AGAP1: variants seen among roughly 807,000 people sequenced by gnomAD.
AGAP1 encodes ArfGAP with GTPase domain, ankyrin repeat and PH domain 1, also known as arf-GAP with GTPase, ANK repeat and PH domain-containing protein 1.
AGAP1 carries 29 observed loss-of-function variants against 105.3 expected under a neutral mutation model. That is an observed-to-expected ratio of 0.28 (90% confidence interval 0.21 to 0.38). AGAP1 has a LOEUF of 0.38. Among genes scored for constraint, AGAP1 ranks in the 10% least tolerant of loss-of-function variants. AGAP1 has a pLI of 1.00. For missense variants in AGAP1, 998 were observed against 1,165.1 expected (o/e 0.86, Z 2.09); for synonymous variants, 509 against 485.9 (o/e 1.05, Z -0.63).
At chr2:235,670,677 C>G in intron 1 of AGAP1, 2 of 677,346 alleles carry the variant, frequency 3.0e-6, no homozygotes, top group South Asian at 1.6e-5. Context: ...GCGGCCGGGA[C>G]CACCCTGGAG....
intron 1 of AGAP1, among the ~76,000 whole-genome samples, chr2:235,521,583 T>C (rs1023638135): frequency 6.6e-6 from 1 of 152,184 alleles, no homozygotes; most frequent in African/African-American, 2.4e-5. Flanking sequence ...TGCACTGTTT[T>C]TCGTTTGCCT....
chr2:235,655,822 C>T lies in AGAP1; in HGVS notation c.164-53357C>T, dbSNP rs1947752570. On this transcript the variant is annotated intron_variant, in intron 1 of 17. Transcript: ENST00000304032. The surrounding 1 kb of genome is among the most constrained non-coding windows in gnomAD (Gnocchi z 4.3). ...GATTAAGTTTATTCAGTAGAAATTT[C>T]CAAGGTATTTTTTTAAGTGAGGCAC... Among the ~76,000 whole-genome samples, 1 of 152,028 alleles carries T rather than the reference C, an allele frequency of 6.6e-6. No individual in the cohort carries two copies. Among genetic ancestry groups the T allele is most frequent in the Non-Finnish European group, 1.5e-5 (1 of 67,980 alleles).
rs550142732 is a variant in AGAP1 at position 235,977,267 on chromosome 2, T to C, written c.1645+8644T>C. Among the ~76,000 whole-genome samples, 225 of 152,138 alleles carry C rather than the reference T, an allele frequency of 1.5e-3. 1 individual carries two copies. Among genetic ancestry groups the C allele is most frequent in the Non-Finnish European group, 2.2e-3 (149 of 68,014 alleles). ...ATCTGTCTTGAAGTCATTTTCTTGA[T>C]GGTCTCAAAATGTTTGAGCTCTGAG... is the stretch of plus-strand genomic sequence containing the variant. On this transcript the variant is annotated intron_variant, in intron 13 of 17. Coordinates refer to ENST00000304032, the MANE Select transcript of AGAP1 (RefSeq NM_001037131.3). This position sits in a 1 kb window ranked among gnomAD's most constrained non-coding sequence, Gnocchi z 5.2.
chr2:235,980,379 A>G (rs2055042106), intron 13 of AGAP1, among the ~76,000 whole-genome samples: 1 of 152,158 alleles, frequency 6.6e-6, no homozygotes, highest in African/African-American at 2.4e-5. Context: ...GCAAAACTGC[A>G]TTTGGAGAGG....
intron 13 of AGAP1, among the ~76,000 whole-genome samples, chr2:236,023,367 G>A (rs377171058): frequency 1.6e-4 from 25 of 152,200 alleles, no homozygotes; most frequent in Admixed American, 1.3e-4. Flanking sequence ...GCACCAGTCC[G>A]TCGATGGCAG....
chr2:236,122,668 C>G (rs2059927059), intron 17 of AGAP1, among the ~76,000 whole-genome samples: 1 of 149,298 alleles, frequency 6.7e-6, no homozygotes. Flanking sequence ...GGCACTGTTT[C>G]TTCCAGTGAC....
In AGAP1 at chr2:235,569,920, A is replaced by G. The variant is rs1944462956; in HGVS notation, c.163+75071A>G. Among the ~76,000 whole-genome samples the G allele has an allele frequency of 6.6e-6, 1 of 152,212 alleles. No homozygotes were observed. ...AGCAAAAATTTAGAATGTTTATAGA[A>G]TTGAACACGAAAACCAGAGTTGTAT... On this transcript the variant is annotated intron_variant, in intron 1 of 17. Coordinates refer to ENST00000304032, the MANE Select transcript of AGAP1 (RefSeq NM_001037131.3). The surrounding 1 kb of genome is among the most constrained non-coding windows in gnomAD (Gnocchi z 5.9).
chr2:235,694,173 G>A (rs1217345568), intron 1 of AGAP1, among the ~76,000 whole-genome samples: 3 of 148,686 alleles, frequency 2.0e-5, no homozygotes, highest in South Asian at 2.1e-4. Context: ...GTGAAACCCC[G>A]CCTCTACTAA....
At position 235,976,364 on chromosome 2, in the gene AGAP1, G is replaced by A. The variant is rs534091561; in HGVS notation, c.1645+7741G>A. Among the ~76,000 whole-genome samples, 1 of 152,240 alleles carries A rather than the reference G, an allele frequency of 6.6e-6. No individual in the cohort carries two copies. The highest frequency in any genetic ancestry group is 1.5e-5 in the Non-Finnish European group (1 of 68,020). On this transcript the variant is annotated intron_variant, in intron 13 of 17. Coordinates refer to ENST00000304032, the MANE Select transcript of AGAP1 (RefSeq NM_001037131.3). The surrounding 1 kb of genome is among the most constrained non-coding windows in gnomAD (Gnocchi z 4.5). ...CTCAAAAGCCATCCTGCAGGGTACA[G>A]TCCGGCCGCCACAAACACACACAAG...
In AGAP1 at chr2:235,582,898, G is replaced by A. The variant is rs1944980419; in HGVS notation, c.163+88049G>A. 6.6e-6 allele frequency among the ~76,000 whole-genome samples: 1 copy of A among 152,252 alleles called. No homozygotes were observed. Among genetic ancestry groups the A allele is most frequent in the African/African-American group, 2.4e-5 (1 of 41,474 alleles). The stretch of plus-strand genomic sequence containing the variant: ...AGGATTTTGGTGAGCCTTTGATGGA[G>A]TGTGTTCCGGAATCGGGAGGAAGCT... On this transcript the variant is annotated intron_variant, in intron 1 of 17. Coordinates refer to ENST00000304032, the MANE Select transcript of AGAP1 (RefSeq NM_001037131.3). The surrounding 1 kb of genome is among the most constrained non-coding windows in gnomAD (Gnocchi z 4.7).
chr2:235,596,021 G>C lies in AGAP1; in HGVS notation c.163+101172G>C, dbSNP rs1945514982. Among the ~76,000 whole-genome samples the C allele has an allele frequency of 6.6e-6, 1 of 152,192 alleles. No homozygotes were observed. The highest frequency in any genetic ancestry group is 6.5e-5 in the Admixed American group (1 of 15,282). On this transcript the variant is annotated intron_variant, in intron 1 of 17. Coordinates refer to ENST00000304032, the MANE Select transcript of AGAP1 (RefSeq NM_001037131.3). This position sits in a 1 kb window ranked among gnomAD's most constrained non-coding sequence, Gnocchi z 5.9. ...GATGTTTCTGATGTTATGAAGCTATGCTCCTGGAAGTGGTTGTGAAAATCG... is the reference window on the plus strand; with the variant it reads ...GATGTTTCTGATGTTATGAAGCTATCCTCCTGGAAGTGGTTGTGAAAATCG...
rs1944974999 is a variant in AGAP1 at position 235,582,722 on chromosome 2, GA to G, written c.163+87874del. On this transcript the variant is annotated intron_variant, in intron 1 of 17. Transcript: ENST00000304032. The surrounding 1 kb of genome is among the most constrained non-coding windows in gnomAD (Gnocchi z 4.7). ...GAAGGAGCCTGGGAGAAGTCAGAGA[GA>G]GGGGGCTCGTGGTCCTTCTTGGGCT... Among the ~76,000 whole-genome samples, 1 of 152,272 alleles carries G rather than the reference GA, an allele frequency of 6.6e-6. No individual in the cohort carries two copies.
chr2:235,898,168 C>T (rs917483757), intron 10 of AGAP1, among the ~76,000 whole-genome samples: 7 of 152,184 alleles, frequency 4.6e-5, no homozygotes, highest in Admixed American at 4.6e-4. Context: ...CAGAGTAGTC[C>T]TGCCCCGCAG....
In AGAP1 at chr2:236,121,323, CAG is replaced by C. The variant is rs746248103; in HGVS notation, c.2370+879_2370+880del. On this transcript the variant is annotated intron_variant, in intron 17 of 17. Transcript: ENST00000304032. The surrounding 1 kb of genome is among the most constrained non-coding windows in gnomAD (Gnocchi z 4.9). ...TTTTTTGTTTTTTGTTTTTTTGAGACAGAGTCTCGCTCTGTCACCCAGGCTGG... is the reference window on the plus strand; with the variant it reads ...TTTTTTGTTTTTTGTTTTTTTGAGACAGTCTCGCTCTGTCACCCAGGCTGG... Among the ~76,000 whole-genome samples, 2 of 152,158 alleles carry C rather than the reference CAG, an allele frequency of 1.3e-5. No individual in the cohort carries two copies. The highest frequency in any genetic ancestry group is 2.9e-5 in the Non-Finnish European group (2 of 68,028).
In AGAP1 at chr2:236,050,332, A is replaced by T. The variant is rs2057858876; in HGVS notation, c.2114+1051A>T. ...CTGGAGAGAATGAAGCTGGTGTGTTACTCATCTGGCTCTCCGTATGAGGGA... is the reference window on the plus strand; with the variant it reads ...CTGGAGAGAATGAAGCTGGTGTGTTTCTCATCTGGCTCTCCGTATGAGGGA... On this transcript the variant is annotated intron_variant, in intron 16 of 17. Coordinates refer to ENST00000304032, the MANE Select transcript of AGAP1 (RefSeq NM_001037131.3). The surrounding 1 kb of genome is among the most constrained non-coding windows in gnomAD (Gnocchi z 4.0). Among the ~76,000 whole-genome samples, 1 of 152,148 alleles carries T rather than the reference A, an allele frequency of 6.6e-6. No individual in the cohort carries two copies. Among genetic ancestry groups the T allele is most frequent in the Non-Finnish European group, 1.5e-5 (1 of 68,030 alleles).
rs537595960 is a variant in AGAP1 at position 235,927,301 on chromosome 2, G to C, written c.1325-3464G>C. Among the ~76,000 whole-genome samples, 24 of 152,296 alleles carry C rather than the reference G, an allele frequency of 1.6e-4. No homozygotes were observed. Among genetic ancestry groups the C allele is most frequent in the African/African-American group, 5.3e-4 (22 of 41,550 alleles). ...GAGGTTCGTCACCCCAGAGGTTCCA[G>C]GTTGGTTCCTTGGGGACTCTCTCAG... On this transcript the variant is annotated intron_variant, in intron 11 of 17. Coordinates refer to ENST00000304032, the MANE Select transcript of AGAP1 (RefSeq NM_001037131.3). This position sits in a 1 kb window ranked among gnomAD's most constrained non-coding sequence, Gnocchi z 4.4.
intron 16 of AGAP1, among the ~76,000 whole-genome samples, chr2:236,113,000 A>G (rs1478289801): frequency 6.6e-6 from 1 of 152,142 alleles, no homozygotes; most frequent in East Asian, 1.9e-4. Context: ...TAGGCTCTCC[A>G]CTGTTTTTCC....
chr2:235,568,948 A>G (rs1269936274), intron 1 of AGAP1, among the ~76,000 whole-genome samples: 3 of 152,238 alleles, frequency 2.0e-5, no homozygotes, highest in African/African-American at 4.8e-5. Flanking sequence ...ATTACATTGA[A>G]CCCACCTGGA....
At position 236,046,972 on chromosome 2, in the gene AGAP1, G is replaced by A. The variant is rs146271734; in HGVS notation, c.1892-2087G>A. 3.9e-4 allele frequency among the ~76,000 whole-genome samples: 59 copies of A among 152,294 alleles called. No individual in the cohort carries two copies. In the East Asian group the frequency reaches 0.01, roughly 27 times the overall value. On this transcript the variant is annotated intron_variant, in intron 15 of 17. Coordinates refer to ENST00000304032, the MANE Select transcript of AGAP1 (RefSeq NM_001037131.3). This position sits in a 1 kb window ranked among gnomAD's most constrained non-coding sequence, Gnocchi z 5.2. ...GCAAGACCCCATCTGTGCAAAAAATGTAAGAAGTTAGCCAGGCATGGTGAT... is the reference window on the plus strand; with the variant it reads ...GCAAGACCCCATCTGTGCAAAAAATATAAGAAGTTAGCCAGGCATGGTGAT...
Sources: allele counts gnomAD v4.1 joint callset (sites outside exome capture counted in the v4.1 genomes callset), GRCh38; gene constraint gnomAD v4.1.1; non-coding constraint Gnocchi (gnomAD v3.1); transcripts MANE v1.5; gene names NCBI Gene and HGNC (gene_info 2026-07-23, HGNC 2026-07-21).